KIF26B: variants seen among roughly 807,000 people sequenced by gnomAD.
The protein encoded by KIF26B is kinesin family member 26B.
A neutral mutation model predicts 151.2 loss-of-function variants in KIF26B; 63 were observed. The observed-to-expected ratio is 0.42, with a 90% confidence interval of 0.34 to 0.51. The LOEUF is 0.51. Among genes scored for constraint, KIF26B ranks in the 20% least tolerant of loss-of-function variants. KIF26B has a pLI of 0.07. For missense variants in KIF26B, 2,813 were observed against 2,913.6 expected (o/e 0.97, Z 0.79); for synonymous variants, 1,357 against 1,262.1 (o/e 1.08, Z -1.59).
At chr1:245,157,576 C>A (rs1288795727) in intron 2 of KIF26B, among the ~76,000 whole-genome samples, 1 of 152,224 alleles carries the variant, frequency 6.6e-6, no homozygotes, top group Non-Finnish European at 1.5e-5. Flanking sequence ...CTGGCCCAAC[C>A]TGCGTATGCA....
intron 4 of KIF26B, among the ~76,000 whole-genome samples, chr1:245,480,779 T>G (rs1036092653): frequency 2.1e-5 from 2 of 93,966 alleles, no homozygotes; most frequent in African/African-American, 1.3e-4. Context: ...TTTTAAAATG[T>G]TAAAAAAAAA....
At chr1:245,377,981 T>C (rs1168556415) in intron 3 of KIF26B, among the ~76,000 whole-genome samples, 1 of 152,202 alleles carries the variant, frequency 6.6e-6, no homozygotes, top group Non-Finnish European at 1.5e-5. Context: ...GGGTTTTTCA[T>C]AGAATAACAG....
chr1:245,580,679 G>A (rs1360665379), intron 5 of KIF26B, among the ~76,000 whole-genome samples: 1 of 152,194 alleles, frequency 6.6e-6, no homozygotes, highest in Non-Finnish European at 1.5e-5. Context: ...ACTGAGTCTG[G>A]AGGGCACGGA....
chr1:245,200,315 T>C (rs1283776109), intron 2 of KIF26B, among the ~76,000 whole-genome samples: 2 of 152,178 alleles, frequency 1.3e-5, no homozygotes, highest in Non-Finnish European at 2.9e-5. Context: ...GTCTCTTGAG[T>C]CTGGTTCATC....
At chr1:245,641,896 T>G (rs1035963050) in intron 9 of KIF26B, among the ~76,000 whole-genome samples, 6 of 152,330 alleles carry the variant, frequency 3.9e-5, no homozygotes, top group South Asian at 4.1e-4. Flanking sequence ...ATCTACACAT[T>G]GAGAGATTAA....
At chr1:245,478,491 G>C (rs1371309384) in intron 4 of KIF26B, among the ~76,000 whole-genome samples, 1 of 148,826 alleles carries the variant, frequency 6.7e-6, no homozygotes, top group South Asian at 2.2e-4. Context: ...GCGGTGGCGC[G>C]ATCTCGGCTC....
chr1:245,198,407 A>G (rs1669228832), intron 2 of KIF26B, among the ~76,000 whole-genome samples: 2 of 152,370 alleles, frequency 1.3e-5, no homozygotes, highest in Middle Eastern at 3.4e-3. Flanking sequence ...ATGTAAAGTG[A>G]TTAAAACAGA....
intron 10 of KIF26B, among the ~76,000 whole-genome samples, chr1:245,683,870 A>G (rs2044471279): frequency 6.6e-6 from 1 of 152,192 alleles, no homozygotes; most frequent in Non-Finnish European, 1.5e-5. Context: ...ACGTGCAGTC[A>G]GCAAGCCGAG....
At chr1:245,441,866 C>T (rs72761186) in intron 4 of KIF26B, among the ~76,000 whole-genome samples, 18,890 of 152,144 alleles carry the variant, frequency 0.12, 1,219 homozygotes, top group African/African-American at 0.15. Context: ...TCTTCTCATG[C>T]GGTTATGATA....
At chr1:245,339,168 C>T (rs770407806) in intron 2 of KIF26B, among the ~76,000 whole-genome samples, 27 of 151,864 alleles carry the variant, frequency 1.8e-4, no homozygotes, top group Non-Finnish European at 3.4e-4. Context: ...TTAGTAGAGA[C>T]GGGGTTTCAC....
At chr1:245,221,141 C>T (rs1669758257) in intron 2 of KIF26B, among the ~76,000 whole-genome samples, 1 of 151,802 alleles carries the variant, frequency 6.6e-6, no homozygotes, top group Non-Finnish European at 1.5e-5. Context: ...TTCTCCCTCT[C>T]CAATCTTAAG....
At position 245,601,896 on chromosome 1, in the gene KIF26B, T is replaced by C. The variant is rs2043399976; in HGVS notation, c.1351-681T>C. ...GGTGGTGGGTACCAGAGGTGCTCAG[T>C]GTTCAATCACGCAGAAAGTGGGCTA... On this transcript the variant is annotated intron_variant, in intron 5 of 14. Transcript: ENST00000407071. The surrounding 1 kb of genome is among the most constrained non-coding windows in gnomAD (Gnocchi z 4.4). Among the ~76,000 whole-genome samples the C allele has an allele frequency of 6.6e-6, 1 of 152,152 alleles. No individual in the cohort carries two copies. Among genetic ancestry groups the C allele is most frequent in the African/African-American group, 2.4e-5 (1 of 41,420 alleles).
intron 5 of KIF26B, among the ~76,000 whole-genome samples, chr1:245,547,600 A>AAT (rs1280000650): frequency 2.9e-4 from 44 of 151,666 alleles, no homozygotes; most frequent in Non-Finnish European, 5.1e-4. Context: ...AAAAAAAAAA[A>AAT]AAAAAAGTGT....
chr1:245,322,775 A>G (rs2102987676), intron 2 of KIF26B, among the ~76,000 whole-genome samples: 1 of 152,338 alleles, frequency 6.6e-6, no homozygotes, highest in Non-Finnish European at 1.5e-5. Flanking sequence ...TAACAAGGGC[A>G]GAGCAAAGTT....
intron 3 of KIF26B, among the ~76,000 whole-genome samples, chr1:245,400,488 GTTTT>G (rs11407193): frequency 8.1e-6 from 1 of 123,864 alleles, no homozygotes. Flanking sequence ...TAGATAGTGA[GTTTT>G]TTTTTTTTTT....
At position 245,375,620 on chromosome 1, in the gene KIF26B, G is replaced by T. The variant is rs1039006418; in HGVS notation, c.999+8253G>T. On this transcript the variant is annotated intron_variant, in intron 3 of 14. Coordinates refer to ENST00000407071, the MANE Select transcript of KIF26B (RefSeq NM_018012.4). This position sits in a 1 kb window ranked among gnomAD's most constrained non-coding sequence, Gnocchi z 4.2. ...AAGCCAGCCCTGCAGGGCCATTTTT[G>T]AGTTCTGGTCTCCAGAACTTTAAGA... 3.9e-5 allele frequency among the ~76,000 whole-genome samples: 6 copies of T among 152,106 alleles called. No individual in the cohort carries two copies. The East Asian group carries it at 1.2e-3, about 29-fold the overall frequency.
chr1:245,692,240 G>A (rs1172672706), intron 12 of KIF26B, among the ~76,000 whole-genome samples: 4 of 151,194 alleles, frequency 2.6e-5, no homozygotes, highest in African/African-American at 4.9e-5. Context: ...GGAGGCAGCC[G>A]GCACAGGGGA....
In KIF26B at chr1:245,688,645, C is replaced by T; in HGVS notation, c.5662C>T (p.Leu1888=). Residue 1888 remains leucine, a synonymous_variant, in exon 12 of 15, where the codon CTG becomes TTG. Transcript: ENST00000407071. ...CCCGCCGGCCATGGGGAAGACGGCC[C>T]TGTTCTACCACAGCGGCGGCAGCAG... is the stretch of plus-strand genomic sequence containing the variant. The part of the protein sequence containing the change: ...ELPPAMGKTA[L]FYHSGGSSGY... 1.9e-6 allele frequency: 3 copies of T among 1,603,686 alleles called. No individual in the cohort carries two copies. In the South Asian group the frequency reaches 3.4e-5, roughly 18 times the overall value.
At chr1:245,438,359 A>G (rs1054606065) in intron 4 of KIF26B, among the ~76,000 whole-genome samples, 1 of 152,190 alleles carries the variant, frequency 6.6e-6, no homozygotes, top group African/African-American at 2.4e-5. Flanking sequence ...TCAAGTCCTC[A>G]TATATTTTAC....
Sources: allele counts gnomAD v4.1 joint callset (sites outside exome capture counted in the v4.1 genomes callset), GRCh38; gene constraint gnomAD v4.1.1; non-coding constraint Gnocchi (gnomAD v3.1); transcripts MANE v1.5; gene names NCBI Gene and HGNC (gene_info 2026-07-23, HGNC 2026-07-21).